Variants in PIM2 observed in about 807,000 individuals in gnomAD.
PIM2 encodes the protein Pim-2 proto-oncogene, serine/threonine kinase.
Under a neutral mutation model 18.0 loss-of-function variants are expected in PIM2, and 3 were observed. The ratio of observed to expected loss-of-function variants is 0.17; its 90% CI spans 0.08 to 0.43. PIM2 has a LOEUF of 0.43. PIM2 is among the 20% of genes least tolerant of loss of function. The pLI is 0.99. For missense variants in PIM2, 181 were observed against 260.8 expected, an observed-to-expected ratio of 0.69 and a Z score of 2.11; for synonymous variants, 117 against 105.3, an observed-to-expected ratio of 1.11 and a Z score of -0.68.
At chrX:48,916,834 C>T (rs1283452520) in intron 3 of PIM2, among the ~76,000 whole-genome samples, 1 of 101,993 alleles carries the variant, frequency 9.8e-6, no homozygotes, top group Non-Finnish European at 2.0e-5. Context: ...GGCAGCAGAG[C>T]GAAACTCCGT....
intron 2 of PIM2, 129 bp downstream of exon 2, chrX:48,918,407 A>G: frequency 2.5e-6 from 1 of 400,537 alleles, no homozygotes; most frequent in Non-Finnish European, 4.2e-6. Flanking sequence ...GGACACGGAC[A>G]CACACACACA....
In PIM2 at chrX:48,913,845, C is replaced by T. The variant is rs2063555669; in HGVS notation, c.*286G>A. On this transcript the variant is annotated 3_prime_UTR_variant, in exon 6 of 6. Coordinates refer to ENST00000376509, the MANE Select transcript of PIM2 (RefSeq NM_006875.4). The stretch of plus-strand genomic sequence containing the variant: ...GGGGCTCAGAATGGGAACAACTTCA[C>T]CAAAATAAACTTCCTTAGCAAAATG... The T allele has an allele frequency of 7.4e-6, 2 of 271,119 alleles. No homozygotes were observed. The highest frequency in any genetic ancestry group is 1.3e-5 in the Non-Finnish European group (2 of 156,940). The allele number at this position is 271,119 out of a possible 1,213,427, so 22.3% of individuals were successfully genotyped here.
rs1557044988 is a variant in PIM2, at chrX:48,914,408, G to A, written c.759C>T (p.Ala253=). 8.3e-7 allele frequency: 1 copy of A among 1,211,130 alleles called. No homozygotes were observed. The highest frequency in any genetic ancestry group is 1.1e-6 in the Non-Finnish European group (1 of 895,254). The change falls in exon 5 of 6, where the codon GCC becomes GCT. Residue 253 remains alanine, a synonymous_variant. Coordinates refer to ENST00000376509, the MANE Select transcript of PIM2 (RefSeq NM_006875.4). ...GTGAGGCCTCACCTGGGGAGACATG[G>A]GCTGGGAAGTGGAGCTCAGCTTCCA... The part of the protein sequence containing the change: ...EILEAELHFP[A]HVSPDCCALI...
chrX:48,918,298 G>GCC lies in PIM2; in HGVS notation c.171+236_171+237dup, dbSNP rs11361543. ...GGAACTCCGGAATCTGAAGCCCCCT[G>GCC]CCCCCCCCCCCCGCCCATAACCTCC... On this transcript the variant is annotated intron_variant, in intron 2 of 5. Coordinates refer to ENST00000376509, the MANE Select transcript of PIM2 (RefSeq NM_006875.4). Among the ~76,000 whole-genome samples the GCC allele has an allele frequency of 3.8e-3, 96 of 24,983 alleles. 3 individuals carry two copies. The highest frequency in any genetic ancestry group is 0.02 in the African/African-American group (92 of 4,568). 21.7% of individuals were successfully genotyped at this position (24,983 alleles called of 115,157 possible).
At chrX:48,917,737 A>G (rs782388667) in intron 3 of PIM2, 44 bp downstream of exon 3, 1 of 1,058,761 alleles carries the variant, frequency 9.4e-7, no homozygotes, top group African/African-American at 1.8e-5. Flanking sequence ...TGAATACATC[A>G]GTGATGGAGT....
chrX:48,918,497 A>G, intron 2 of PIM2, 39 bp downstream of exon 2: 1 of 1,007,015 alleles, frequency 9.9e-7, no homozygotes, highest in Non-Finnish European at 1.4e-6. Context: ...CGCCCCCGCC[A>G]CACGCACCTG....
chrX:48,917,781 C>T lies in PIM2; in HGVS notation c.222G>A (p.Leu74=). 8.3e-7 allele frequency: 1 copy of T among 1,202,103 alleles called. No homozygotes were observed. The highest frequency in any genetic ancestry group is 1.1e-6 in the Non-Finnish European group (1 of 889,169). ...TAGGAAGGGCTCCGAAGGTACTCAC[C>T]AAGGGGGACCAGCCCAGCACACGAT... ...PRNRVLGWSP[L]SDSVTCPLEV... is the part of the protein sequence containing the mutation. The change falls in exon 3 of 6, where the codon TTG becomes TTA. Residue 74 remains leucine, a splice_region_variant and synonymous_variant. Coordinates refer to ENST00000376509, the MANE Select transcript of PIM2 (RefSeq NM_006875.4).
At chrX:48,914,979 A>G (rs781895868) in intron 4 of PIM2, 41 bp downstream of exon 4, 38 of 1,151,677 alleles carry the variant, frequency 3.3e-5, no homozygotes, top group African/African-American at 5.4e-5. Context: ...AAGGCCATCA[A>G]GTAAAAACAA....
At chrX:48,918,164 G>A (rs1187806285) in intron 2 of PIM2, among the ~76,000 whole-genome samples, 1 of 108,179 alleles carries the variant, frequency 9.2e-6, no homozygotes, top group Non-Finnish European at 1.9e-5. Context: ...CTGTACCAGG[G>A]TCCTGGTCCG....
Position 48,913,916 on chromosome X carries a change from G to C in PIM2, c.*215C>G, listed in dbSNP as rs1056852795. The C allele has an allele frequency of 2.1e-5, 7 of 337,858 alleles. No individual in the cohort carries two copies. The highest frequency in any genetic ancestry group is 3.6e-5 in the Non-Finnish European group (7 of 196,713). The allele number at this position is 337,858 out of a possible 1,213,427, so 27.8% of individuals were successfully genotyped here. A position where few individuals can be genotyped will look rare whatever the true frequency, so the allele number is the denominator to read the frequency against. On this transcript the variant is annotated 3_prime_UTR_variant, in exon 6 of 6. Transcript: ENST00000376509. ...CCAGAATCAGGGACCACAGGTTCTG[G>C]GAGGAAGGCTCCTTTGTAGGATTGG...
intron 3 of PIM2, chrX:48,915,642 C>A (rs781911455): frequency 3.0e-6 from 1 of 330,253 alleles, no homozygotes; most frequent in African/African-American, 2.6e-5. Context: ...TTTGAATAAA[C>A]GAAAGAAGTT....
At position 48,918,607 on chromosome X, in the gene PIM2, G is replaced by A; in HGVS notation, c.100C>T (p.Leu34Phe). The A allele has an allele frequency of 8.3e-7, 1 of 1,206,625 alleles. No individual in the cohort carries two copies. Among genetic ancestry groups the A allele is most frequent in the Non-Finnish European group, 1.1e-6 (1 of 892,184 alleles). ...DREAFEAEYRLGPLLGKGGFG... is the reference protein window; with the variant it reads ...DREAFEAEYRFGPLLGKGGFG... ...CCCCCCTTACCCAGGAGGGGGCCGAGTCGATACTCGGCCTCGAACGCTTCC... is the reference window on the plus strand; with the variant it reads ...CCCCCCTTACCCAGGAGGGGGCCGAATCGATACTCGGCCTCGAACGCTTCC... The change falls in exon 2 of 6, where the codon CTC becomes TTC. Residue 34 changes from leucine (L) to phenylalanine (F), a missense_variant. Leu to Phe is a conservative substitution (Grantham distance 22). Coordinates refer to ENST00000376509, the MANE Select transcript of PIM2 (RefSeq NM_006875.4).
chrX:48,917,630 G>T (rs1198990876), intron 3 of PIM2, 151 bp downstream of exon 3: 3 of 470,775 alleles, frequency 6.4e-6, no homozygotes, highest in East Asian at 3.8e-5. Context: ...GGGTGAATCA[G>T]AACTGTATGT....
In PIM2 at chrX:48,918,466, G is replaced by A. The variant is rs782185491; in HGVS notation, c.171+70C>T. The stretch of plus-strand genomic sequence containing the variant: ...TGCAGGCTCACTCCTCGGTCAACCA[G>A]CATTCCAGGGCCAGGACCCCCGCCC... On this transcript the variant is annotated intron_variant, in intron 2 of 5. Coordinates refer to ENST00000376509, the MANE Select transcript of PIM2 (RefSeq NM_006875.4). 4.1e-6 allele frequency: 3 copies of A among 733,965 alleles called. No individual in the cohort carries two copies. In the East Asian group the frequency reaches 1.0e-4, roughly 25 times the overall value. The allele number at this position is 733,965 out of a possible 1,213,427, so 60.5% of individuals were successfully genotyped here.
At position 48,915,099 on chromosome X, in the gene PIM2, G is replaced by A. The variant is rs1557045085; in HGVS notation, c.516C>T (p.Asp172=). The change falls in exon 4 of 6, where the codon GAC becomes GAT. Residue 172 remains aspartate, a synonymous_variant. Transcript: ENST00000376509. ...RDIKDENILI[D]LRRGCAKLID... is the part of the protein sequence containing the mutation. ...TGAGTTTGGCACAGCCACGGCGTAG[G>A]TCTATCAGGATGTTCTCATCCTTGA... 8.3e-7 allele frequency: 1 copy of A among 1,211,266 alleles called. No homozygotes were observed. The highest frequency in any genetic ancestry group is 1.8e-5 in the South Asian group (1 of 57,022).
At chrX:48,914,699 A>T in intron 4 of PIM2, 128 bp from the exon 5 acceptor site, 1 of 566,778 alleles carries the variant, frequency 1.8e-6, no homozygotes, top group East Asian at 3.7e-5. Flanking sequence ...CCCTCACTAG[A>T]TAAAAAGCAG....
In PIM2 at chrX:48,914,588, G is replaced by A; in HGVS notation, c.596-17C>T. ...CCCTTGTCCCTGCACACAAGCCAGG[G>A]GTTAGACCAACTCAATCTCATGATG... is the stretch of plus-strand genomic sequence containing the variant. On this transcript the variant is annotated splice_polypyrimidine_tract_variant and intron_variant, in intron 4 of 5. Coordinates refer to ENST00000376509, the MANE Select transcript of PIM2 (RefSeq NM_006875.4). The A allele has an allele frequency of 8.4e-7, 1 of 1,187,164 alleles. No homozygotes were observed. Among genetic ancestry groups the A allele is most frequent in the South Asian group, 1.8e-5 (1 of 54,182 alleles).
chrX:48,917,088 G>C (rs1557045326), intron 3 of PIM2, among the ~76,000 whole-genome samples: 2 of 110,191 alleles, frequency 1.8e-5, no homozygotes, highest in Non-Finnish European at 3.8e-5. Flanking sequence ...CCAGGAGACG[G>C]AGGTTGCAGT....
chrX:48,914,592 A>G, intron 4 of PIM2, 21 bp from the exon 5 acceptor site: 1 of 1,182,342 alleles, frequency 8.5e-7, no homozygotes. Context: ...GCCAGGGGTT[A>G]GACCAACTCA....
Sources: allele counts gnomAD v4.1 joint callset (sites outside exome capture counted in the v4.1 genomes callset), GRCh38; gene constraint gnomAD v4.1.1; transcripts MANE v1.5; gene names NCBI Gene and HGNC (gene_info 2026-07-23, HGNC 2026-07-21).